Variants in ASAP2 observed in about 807,000 individuals in gnomAD.
ASAP2 encodes the protein ArfGAP with SH3 domain, ankyrin repeat and PH domain 2.
ASAP2 carries 45 observed loss-of-function variants against 131.4 expected under a neutral mutation model. The observed-to-expected ratio is 0.34, with a 90% CI of 0.27 to 0.44. ASAP2 has a LOEUF of 0.44. Ranked by LOEUF, ASAP2 falls within the 20% of genes least tolerant of loss-of-function variation. The pLI is 1.00. For missense variants in ASAP2, 1,011 were observed against 1,297.0 expected (o/e 0.78, Z 3.39); for synonymous variants, 510 against 503.0 (o/e 1.01, Z -0.19).
chr2:9,299,228 AG>A (rs1252707293), intron 3 of ASAP2, among the ~76,000 whole-genome samples: 2 of 152,204 alleles, frequency 1.3e-5, no homozygotes, highest in Non-Finnish European at 2.9e-5. Flanking sequence ...ACCTACCCTG[AG>A]GCATCCCTGT....
At chr2:9,362,544 A>G (rs1418802031) in intron 15 of ASAP2, among the ~76,000 whole-genome samples, 1 of 152,302 alleles carries the variant, frequency 6.6e-6, no homozygotes, top group East Asian at 1.9e-4. Context: ...AACACTTAAA[A>G]TCTACTCTCT....
intron 2 of ASAP2, 118 bp downstream of exon 2, chr2:9,279,507 T>C: frequency 2.2e-6 from 2 of 911,642 alleles, no homozygotes; most frequent in Non-Finnish European, 3.5e-6. Flanking sequence ...TATCGGGGCA[T>C]GCAGATCACA....
intron 2 of ASAP2, among the ~76,000 whole-genome samples, chr2:9,280,457 A>T (rs1667061973): frequency 6.6e-6 from 1 of 152,138 alleles, no homozygotes; most frequent in Non-Finnish European, 1.5e-5. Flanking sequence ...GGAAGAATCT[A>T]GCAGGAAATC....
At chr2:9,293,796 C>A (rs1370301744) in intron 2 of ASAP2, among the ~76,000 whole-genome samples, 2 of 152,136 alleles carry the variant, frequency 1.3e-5, no homozygotes, top group Non-Finnish European at 1.5e-5. Context: ...AAATCCCCAA[C>A]TAGGCCAGTG....
At chr2:9,398,174 A>G (rs1364958138) in intron 24 of ASAP2, among the ~76,000 whole-genome samples, 1 of 151,940 alleles carries the variant, frequency 6.6e-6, no homozygotes, top group Non-Finnish European at 1.5e-5. Context: ...CTGCTTTCAC[A>G]CCACAGTGGC....
At chr2:9,354,715 G>C (rs929615438) in intron 12 of ASAP2, among the ~76,000 whole-genome samples, 2 of 151,932 alleles carry the variant, frequency 1.3e-5, no homozygotes, top group Non-Finnish European at 2.9e-5. Flanking sequence ...CAGAAGTCCA[G>C]GAACCAAGTT....
intron 11 of ASAP2, among the ~76,000 whole-genome samples, chr2:9,347,222 C>T (rs1672028662): frequency 1.3e-5 from 2 of 152,300 alleles, no homozygotes; most frequent in Admixed American, 6.5e-5. Flanking sequence ...CTCACCTTTT[C>T]CCTATTTCCC....
At chr2:9,306,993 T>C (rs968046950) in intron 3 of ASAP2, among the ~76,000 whole-genome samples, 1 of 152,106 alleles carries the variant, frequency 6.6e-6, no homozygotes, top group African/African-American at 2.4e-5. Context: ...CCCCAGGCAA[T>C]AGCAGGCAGT....
At chr2:9,260,216 T>C (rs915624744) in intron 1 of ASAP2, among the ~76,000 whole-genome samples, 12 of 152,180 alleles carry the variant, frequency 7.9e-5, no homozygotes, top group African/African-American at 2.9e-4. Flanking sequence ...GATCAAGTAA[T>C]TTGTGTGTGG....
rs1414654794 is a variant in ASAP2 at position 9,391,112 on chromosome 2, G to A, written c.2434G>A (p.Val812Met). ...NTLWKTNSVS[V>M]DGGSRQRSSS... ...CCTGTGGAAGACAAACTCTGTAAGT[G>A]TGGACGGTGGAAGCCGGCAGCGATC... is the stretch of plus-strand genomic sequence containing the variant. Residue 812 changes from valine (V) to methionine (M), a missense_variant, in exon 23 of 28, where the codon GTG (valine) becomes ATG (methionine). Physicochemically the swap from Val to Met is conservative, Grantham distance 21. This residue lies in a region of ASAP2 where 652 missense variants were observed against 698.9 expected (regional missense o/e 0.93). Coordinates refer to ENST00000281419, the MANE Select transcript of ASAP2 (RefSeq NM_003887.3). 6.2e-7 allele frequency: 1 copy of A among 1,614,090 alleles called. No homozygotes were observed. The highest frequency in any genetic ancestry group is 1.3e-5 in the African/African-American group (1 of 74,940).
intron 15 of ASAP2, among the ~76,000 whole-genome samples, chr2:9,366,869 A>G (rs1228668486): frequency 6.6e-6 from 1 of 151,874 alleles, no homozygotes; most frequent in East Asian, 1.9e-4. Flanking sequence ...CCACTAGCCC[A>G]TTTCACCGTT....
At position 9,368,526 on chromosome 2, in the gene ASAP2, A is replaced by G. The variant is rs758767912; in HGVS notation, c.1556+7A>G. The G allele has an allele frequency of 6.2e-6, 10 of 1,611,716 alleles. No individual in the cohort carries two copies. The highest frequency in any genetic ancestry group is 1.1e-5 in the South Asian group (1 of 91,040). ...CCAACCCAGGCAGCGACATGTAAGT[A>G]TGGGACTGGCTATTCTCATTTGCTG... is the stretch of plus-strand genomic sequence containing the variant. On this transcript the variant is annotated splice_region_variant and intron_variant, in intron 16 of 27. Coordinates refer to ENST00000281419, the MANE Select transcript of ASAP2 (RefSeq NM_003887.3).
intron 16 of ASAP2, among the ~76,000 whole-genome samples, chr2:9,368,730 G>T (rs1018941307): frequency 6.6e-6 from 1 of 152,002 alleles, no homozygotes; most frequent in African/African-American, 2.4e-5. Context: ...GGCAGGTTTC[G>T]CAGATGCTGT....
rs551513969 is a variant in ASAP2 at position 9,304,738 on chromosome 2, G to A, written c.345+7293G>A. ...GAGGGGCTGGACTAGTGGGGTATAG[G>A]TATTGGTGGAGGGGGTTGTAATAGT... On this transcript the variant is annotated intron_variant, in intron 3 of 27. Transcript: ENST00000281419. Among the ~76,000 whole-genome samples the A allele has an allele frequency of 9.3e-3, 1,203 of 129,666 alleles. 23 individuals are homozygous for A. The highest frequency in any genetic ancestry group is 0.033 in the African/African-American group (1,132 of 34,540). The allele number at this position is 129,666 out of a possible 152,430, so 85.1% of individuals were successfully genotyped here.
intron 3 of ASAP2, among the ~76,000 whole-genome samples, chr2:9,308,359 G>A (rs572112371): frequency 6.6e-6 from 1 of 152,280 alleles, no homozygotes; most frequent in South Asian, 2.1e-4. Context: ...CAGTACCAAG[G>A]GGCATGATGC....
intron 24 of ASAP2, among the ~76,000 whole-genome samples, chr2:9,395,601 T>C (rs1159346033): frequency 1.2e-5 from 1 of 81,340 alleles, no homozygotes; most frequent in East Asian, 3.5e-4. Context: ...TTTCTTTTTT[T>C]TTTTTTTTTT....
intron 3 of ASAP2, among the ~76,000 whole-genome samples, chr2:9,314,958 T>C (rs898079333): frequency 6.7e-5 from 10 of 149,180 alleles, no homozygotes; most frequent in African/African-American, 2.5e-4. Flanking sequence ...AAAGAAAATA[T>C]TGGAGGATCT....
chr2:9,282,267 T>C (rs1420944983), intron 2 of ASAP2, among the ~76,000 whole-genome samples: 1 of 152,166 alleles, frequency 6.6e-6, no homozygotes, highest in Non-Finnish European at 1.5e-5. Flanking sequence ...TCTAAGGTCA[T>C]GAGTCTGAGT....
intron 16 of ASAP2, among the ~76,000 whole-genome samples, chr2:9,373,970 A>G (rs1674186323): frequency 6.6e-6 from 1 of 152,194 alleles, no homozygotes; most frequent in African/African-American, 2.4e-5. Flanking sequence ...TGACGCACAT[A>G]CGTCTCATGG....
Sources: gnomAD v4.1 joint callset for allele counts (sites outside exome capture counted in the v4.1 genomes callset) on GRCh38, gnomAD v4.1.1 for gene constraint, gnomAD v4.1.1 regional missense constraint, MANE v1.5 for transcripts, NCBI Gene and HGNC (gene_info 2026-07-23, HGNC 2026-07-21) for gene names.